EIF3A: variants seen among roughly 807,000 people sequenced by gnomAD.
The protein encoded by EIF3A is EIF3, p180 subunit.
A neutral mutation model predicts 186.6 loss-of-function variants in EIF3A; 21 were observed. The observed-to-expected ratio is 0.11, with a 90% CI of 0.08 to 0.16. The LOEUF (loss-of-function observed/expected upper bound fraction) is 0.16. Among genes scored for constraint, EIF3A ranks in the 10% least tolerant of loss-of-function variants. The pLI, the probability that EIF3A is intolerant of heterozygous loss-of-function variation, is 1.00. For missense variants in EIF3A, 1,306 were observed against 1,796.3 expected, an observed-to-expected ratio of 0.73 and a Z score of 4.93; for synonymous variants, 563 against 584.3, an observed-to-expected ratio of 0.96 and a Z score of 0.52.
Position 119,069,538 on chromosome 10 carries a change from A to G in EIF3A, c.858T>C (p.Ser286=). ...YNKVSTVFWK[S]GNALFHASTL... ...TAGATGCATGAAAAAGAGCATTTCC[A>G]GATTTCCAAAACACAGTTGAGACTT... The change falls in exon 6 of 22, where the codon TCT becomes TCC. Residue 286 remains serine (S), a synonymous_variant. Transcript: ENST00000369144. 1 of 1,595,632 alleles carries G rather than the reference A, an allele frequency of 6.3e-7. No homozygotes were observed. The highest frequency in any genetic ancestry group is 1.1e-5 in the South Asian group (1 of 90,674).
rs1282240018 is a variant in EIF3A, at chr10:119,080,776, C to T, written c.-100G>A. 57 of 1,458,132 alleles carry T rather than the reference C, an allele frequency of 3.9e-5. No homozygotes were observed. The highest frequency in any genetic ancestry group is 5.0e-5 in the Non-Finnish European group (55 of 1,101,292). 90.3% of individuals were successfully genotyped at this position (1,458,132 alleles called of 1,614,324 possible). ...AACCAGCGTAAGGTCCCACGCGCCT[C>T]GCCAGCAGTCGCCCGCGCCCAGCCG... On this transcript the variant is annotated 5_prime_UTR_variant, in exon 1 of 22. Transcript: ENST00000369144.
In EIF3A at chr10:119,061,298, G is replaced by C. The variant is rs759323743; in HGVS notation, c.1153C>G (p.Pro385Ala). ...VRFNVLQYVV[P>A]EVKDLYNWLE... is the part of the protein sequence containing the mutation. ...CAATTGTAAAGGTCTTTCACTTCTG[G>C]GACAACATATTGTAGTACATTAAAT... The change falls in exon 8 of 22, where the codon CCA (proline) becomes GCA (alanine). Residue 385 changes from proline (P) to alanine (A), a missense_variant. By Grantham distance (27) the Pro-to-Ala change is conservative. This residue lies in a region of EIF3A where 267 missense variants were observed against 367.8 expected (regional missense o/e 0.73). Coordinates refer to ENST00000369144, the MANE Select transcript of EIF3A (RefSeq NM_003750.4). 1 of 1,585,098 alleles carries C rather than the reference G, an allele frequency of 6.3e-7. No homozygotes were observed. The highest frequency in any genetic ancestry group is 8.6e-7 in the Non-Finnish European group (1 of 1,160,278).
At chr10:119,063,262 A>G (rs1843919200) in intron 7 of EIF3A, among the ~76,000 whole-genome samples, 1 of 152,218 alleles carries the variant, frequency 6.6e-6, no homozygotes, top group Admixed American at 6.5e-5. Context: ...GGCAGCAGAA[A>G]AAAACATGGA....
chr10:119,050,023 C>A, intron 16 of EIF3A, 38 bp from the exon 17 acceptor site: 1 of 1,592,884 alleles, frequency 6.3e-7, no homozygotes, highest in Non-Finnish European at 8.6e-7. Context: ...TGCCTCCCAG[C>A]CATATCTTCC....
chr10:119,052,340 C>T (rs1240357069), intron 14 of EIF3A, among the ~76,000 whole-genome samples: 1 of 107,882 alleles, frequency 9.3e-6, no homozygotes, highest in Non-Finnish European at 2.2e-5. Context: ...AATTCAGTCA[C>T]ATCTTCAGGT....
chr10:119,074,794 G>A (rs1400384035), intron 1 of EIF3A, among the ~76,000 whole-genome samples: 2 of 150,482 alleles, frequency 1.3e-5, no homozygotes, highest in African/African-American at 2.4e-5. Flanking sequence ...TTAGCAGGGC[G>A]TAGTGGTGCA....
chr10:119,065,785 A>G (rs1843963347), intron 6 of EIF3A, among the ~76,000 whole-genome samples: 1 of 152,188 alleles, frequency 6.6e-6, no homozygotes, highest in South Asian at 2.1e-4. Context: ...GACTTCATCT[A>G]TCCACTCAGT....
intron 20 of EIF3A, among the ~76,000 whole-genome samples, chr10:119,037,723 TCTACTA>T (rs1848152297): frequency 6.6e-6 from 1 of 152,016 alleles, no homozygotes; most frequent in Admixed American, 6.6e-5. Flanking sequence ...AGCTAGAACT[TCTACTA>T]CTAATAAAAT....
intron 18 of EIF3A, among the ~76,000 whole-genome samples, chr10:119,043,395 C>T (rs977952923): frequency 1.3e-5 from 2 of 152,012 alleles, no homozygotes; most frequent in Non-Finnish European, 2.9e-5. Context: ...GCCGAGAACG[C>T]GCCACTGCAC....
rs1438436746 is a variant in EIF3A, at chr10:119,033,940, C to T, written c.*2099G>A. On this transcript the variant is annotated 3_prime_UTR_variant, in exon 22 of 22. Coordinates refer to ENST00000369144, the MANE Select transcript of EIF3A (RefSeq NM_003750.4). ...CCCACACGTTATAGATGCCAGCCAC[C>T]TCCTGGTAGTCACTATGGACAACTA... 1 of 166,872 alleles carries T rather than the reference C, an allele frequency of 6.0e-6. No homozygotes were observed. The highest frequency in any genetic ancestry group is 1.5e-5 in the Non-Finnish European group (1 of 68,106). 10.3% of individuals were successfully genotyped at this position (166,872 alleles called of 1,614,324 possible).
At chr10:119,048,032 C>A (rs1848304063) in intron 17 of EIF3A, among the ~76,000 whole-genome samples, 1 of 151,984 alleles carries the variant, frequency 6.6e-6, no homozygotes. Context: ...AGAAAACTTG[C>A]TCCCCAATGG....
chr10:119,066,505 CAAAAAAAAAAAAAA>C (rs71016533), intron 6 of EIF3A, among the ~76,000 whole-genome samples: 30 of 47,502 alleles, frequency 6.3e-4, no homozygotes, highest in Middle Eastern at 0.021. Flanking sequence ...TTAAGACTGT[CAAAAAAAAAAAAAA>C]AAAAAAAAAA....
intron 17 of EIF3A, among the ~76,000 whole-genome samples, chr10:119,046,207 G>T (rs1270144886): frequency 6.6e-6 from 1 of 152,154 alleles, no homozygotes; most frequent in Non-Finnish European, 1.5e-5. Context: ...TCCGAGGAAT[G>T]AAACAGTATC....
intron 15 of EIF3A, 60 bp from the exon 16 acceptor site, chr10:119,050,734 G>A (rs1848345739): frequency 1.8e-5 from 29 of 1,574,134 alleles, no homozygotes; most frequent in Non-Finnish European, 2.0e-5. Context: ...CAACAAACTC[G>A]CAGAAAGCTA....
intron 1 of EIF3A, among the ~76,000 whole-genome samples, chr10:119,078,628 C>T (rs778991007): frequency 7.2e-5 from 11 of 152,118 alleles, no homozygotes; most frequent in Non-Finnish European, 1.5e-4. Flanking sequence ...GGAACGCATG[C>T]ATCCCCATCC....
Position 119,042,917 on chromosome 10 carries a change from C to G in EIF3A, c.2748-145G>C. 1 of 823,904 alleles carries G rather than the reference C, an allele frequency of 1.2e-6. No individual in the cohort carries two copies. The highest frequency in any genetic ancestry group is 1.7e-5 in the African/African-American group (1 of 58,112). The allele number at this position is 823,904 out of a possible 1,614,324, so 51.0% of individuals were successfully genotyped here. A position where few individuals can be genotyped will look rare whatever the true frequency, so the allele number is the denominator to read the frequency against. ...CCTTTAATCCCAGCACTCTGGGAAG[C>G]AGAGGCAGGCAGATCACCTGAGGTC... On this transcript the variant is annotated intron_variant, in intron 18 of 21. Coordinates refer to ENST00000369144, the MANE Select transcript of EIF3A (RefSeq NM_003750.4). This position sits in a 1 kb window ranked among gnomAD's most constrained non-coding sequence, Gnocchi z 7.8.
At chr10:119,056,892 C>G (rs1372599965) in intron 13 of EIF3A, 39 bp from the exon 14 acceptor site, 3 of 1,594,186 alleles carry the variant, frequency 1.9e-6, no homozygotes, top group Non-Finnish European at 2.6e-6. Context: ...TAAAAAATCT[C>G]TCTTAACTTG....
At chr10:119,036,312 T>G in intron 21 of EIF3A, 44 bp from the exon 22 acceptor site, 2 of 1,307,680 alleles carry the variant, frequency 1.5e-6, no homozygotes, top group Non-Finnish European at 1.1e-6. Flanking sequence ...TAGTACTATA[T>G]TCTATTGGCT....
intron 17 of EIF3A, among the ~76,000 whole-genome samples, chr10:119,046,759 G>A (rs1255646841): frequency 6.6e-6 from 1 of 152,034 alleles, no homozygotes; most frequent in African/African-American, 2.4e-5. Flanking sequence ...AGGAGTTCAA[G>A]ACCAGCCTGG....
Sources: allele counts gnomAD v4.1 joint callset (sites outside exome capture counted in the v4.1 genomes callset), GRCh38; gene constraint gnomAD v4.1.1; regional missense constraint gnomAD v4.1.1; non-coding constraint Gnocchi (gnomAD v3.1); transcripts MANE v1.5; gene names NCBI Gene and HGNC (gene_info 2026-07-23, HGNC 2026-07-21).